TNNI3K: variants seen among roughly 807,000 people sequenced by gnomAD.
The protein encoded by TNNI3K is serine/threonine-protein kinase TNNI3K.
A neutral mutation model predicts 114.5 loss-of-function variants in TNNI3K; 140 were observed. The ratio of observed to expected loss-of-function variants is 1.22; its 90% CI spans 1.07 to 1.41. The LOEUF (loss-of-function observed/expected upper bound fraction) is 1.41. TNNI3K is among the 40% of genes most tolerant of loss of function. The pLI, the probability that TNNI3K is intolerant of heterozygous loss-of-function variation, is 0.00. For missense variants in TNNI3K, 1,125 were observed against 1,007.6 expected (o/e 1.12, Z -1.58); for synonymous variants, 347 against 347.5 (o/e 1.00, Z 0.02).
At chr1:74,537,151 G>A (rs1489914808) in intron 23 of TNNI3K, among the ~76,000 whole-genome samples, 1 of 152,164 alleles carries the variant, frequency 6.6e-6, no homozygotes, top group Non-Finnish European at 1.5e-5. Flanking sequence ...TTGGATATGA[G>A]CTTTTATTCA....
chr1:74,359,430 G>T (rs1053845925), intron 11 of TNNI3K, among the ~76,000 whole-genome samples: 20 of 151,806 alleles, frequency 1.3e-4, no homozygotes, highest in African/African-American at 4.8e-4. Context: ...AGGATAATAG[G>T]AATCCGCTAT....
chr1:74,251,267 C>T (rs1654909084), intron 4 of TNNI3K, among the ~76,000 whole-genome samples: 1 of 152,094 alleles, frequency 6.6e-6, no homozygotes, highest in African/African-American at 2.4e-5. Flanking sequence ...AATCTCAGCA[C>T]CTGATAGAAT....
intron 23 of TNNI3K, among the ~76,000 whole-genome samples, chr1:74,508,409 T>G (rs1297268856): frequency 6.6e-6 from 1 of 152,236 alleles, no homozygotes; most frequent in African/African-American, 2.4e-5. Context: ...GGTATTATGA[T>G]TTTTTCAATT....
chr1:74,526,129 A>G lies in TNNI3K; in HGVS notation c.2352-14105A>G, dbSNP rs45447302. On this transcript the variant is annotated intron_variant, in intron 23 of 24. Coordinates refer to ENST00000326637, the MANE Select transcript of TNNI3K (RefSeq NM_015978.3). ...TGGTTTGTGAAGATCAATGTTCTGC[A>G]TGTTCAAAGAGTTTAGGGAGTTTTA... 3.6e-3 allele frequency among the ~76,000 whole-genome samples: 543 copies of G among 152,336 alleles called. 2 individuals carry two copies. Among genetic ancestry groups the G allele is most frequent in the African/African-American group, 0.012 (513 of 41,584 alleles).
chr1:74,356,307 G>A (rs45489994), intron 11 of TNNI3K, among the ~76,000 whole-genome samples: 10,394 of 151,940 alleles, frequency 0.068, 425 homozygotes, highest in African/African-American at 0.11. Flanking sequence ...TTTCAATTTG[G>A]GGCTATTAAG....
At chr1:74,255,813 C>A (rs1405604946) in intron 4 of TNNI3K, among the ~76,000 whole-genome samples, 1 of 152,150 alleles carries the variant, frequency 6.6e-6, no homozygotes, top group Non-Finnish European at 1.5e-5. Flanking sequence ...TCTCTGGAAA[C>A]AAGTGTTTTC....
intron 17 of TNNI3K, among the ~76,000 whole-genome samples, chr1:74,396,665 T>A (rs1172226759): frequency 6.6e-6 from 1 of 152,148 alleles, no homozygotes; most frequent in Non-Finnish European, 1.5e-5. Flanking sequence ...CCGGATGGGA[T>A]AATAATGACC....
chr1:74,464,492 C>A, intron 21 of TNNI3K: 5 of 1,351,094 alleles, frequency 3.7e-6, no homozygotes, highest in Non-Finnish European at 3.8e-6. Flanking sequence ...TGTTTCTGAT[C>A]CTTCCTAGGC....
rs1164518284 is a variant in TNNI3K at position 74,342,717 on chromosome 1, T to G, written c.683-125T>G. On this transcript the variant is annotated intron_variant, in intron 7 of 24. Coordinates refer to ENST00000326637, the MANE Select transcript of TNNI3K (RefSeq NM_015978.3). ...GGTCGCCCTTAATTTCCTTTATGAT[T>G]ATCATTAACTGGCAATTTCCAGGAA... 13 of 1,260,662 alleles carry G rather than the reference T, an allele frequency of 1.0e-5. No individual in the cohort carries two copies. In the Admixed American group the frequency reaches 3.0e-4, roughly 29 times the overall value. The allele number at this position is 1,260,662 out of a possible 1,614,324, so 78.1% of individuals were successfully genotyped here.
At chr1:74,398,629 C>T (rs930090074) in intron 17 of TNNI3K, among the ~76,000 whole-genome samples, 3 of 152,118 alleles carry the variant, frequency 2.0e-5, no homozygotes, top group Non-Finnish European at 4.4e-5. Context: ...TTCCCCCTCC[C>T]AACTGCCACT....
chr1:74,409,666 G>A (rs914733191), intron 17 of TNNI3K, among the ~76,000 whole-genome samples: 1 of 151,494 alleles, frequency 6.6e-6, no homozygotes, highest in Non-Finnish European at 1.5e-5. Flanking sequence ...CTAATTTTTT[G>A]TATTTTTAGT....
At chr1:74,291,601 C>T (rs761365278) in intron 5 of TNNI3K, among the ~76,000 whole-genome samples, 1 of 151,442 alleles carries the variant, frequency 6.6e-6, no homozygotes. Context: ...ATATTCTATC[C>T]TAAGTTGACT....
At chr1:74,257,983 C>G (rs1412295883) in intron 4 of TNNI3K, among the ~76,000 whole-genome samples, 3 of 152,072 alleles carry the variant, frequency 2.0e-5, no homozygotes, top group African/African-American at 4.8e-5. Flanking sequence ...CGGCATACCT[C>G]TTATTCCTAG....
At chr1:74,447,325 T>A (rs1314142588) in intron 20 of TNNI3K, among the ~76,000 whole-genome samples, 1 of 150,186 alleles carries the variant, frequency 6.7e-6, no homozygotes, top group Non-Finnish European at 1.5e-5. Context: ...AGTTCACTCA[T>A]GATTTGGCTC....
At chr1:74,486,415 T>C (rs966363921) in intron 21 of TNNI3K, among the ~76,000 whole-genome samples, 4 of 152,030 alleles carry the variant, frequency 2.6e-5, no homozygotes, top group African/African-American at 9.7e-5. Context: ...TACTGAATGG[T>C]AGTATCAATA....
At chr1:74,407,361 A>C (rs1257763080) in intron 17 of TNNI3K, among the ~76,000 whole-genome samples, 1 of 152,202 alleles carries the variant, frequency 6.6e-6, no homozygotes, top group African/African-American at 2.4e-5. Flanking sequence ...CTGCCATATC[A>C]GATACAAGGA....
At chr1:74,503,835 G>T (rs1446983782) in intron 23 of TNNI3K, among the ~76,000 whole-genome samples, 1 of 152,126 alleles carries the variant, frequency 6.6e-6, no homozygotes, top group East Asian at 1.9e-4. Context: ...CTAATGTTGT[G>T]GTGGTATGGG....
chr1:74,342,299 C>T (rs888877946), intron 7 of TNNI3K, among the ~76,000 whole-genome samples: 20 of 152,136 alleles, frequency 1.3e-4, no homozygotes, highest in Non-Finnish European at 4.4e-5. Context: ...CTGCCTAAGT[C>T]TAAATTGCTT....
At chr1:74,522,734 A>G (rs1211365684) in intron 23 of TNNI3K, among the ~76,000 whole-genome samples, 2 of 152,150 alleles carry the variant, frequency 1.3e-5, no homozygotes, top group Non-Finnish European at 2.9e-5. Flanking sequence ...TGATTGGAAT[A>G]TTGATCATTT....
Sources: gnomAD v4.1 joint callset for allele counts (sites outside exome capture counted in the v4.1 genomes callset) on GRCh38, gnomAD v4.1.1 for gene constraint, MANE v1.5 for transcripts, NCBI Gene and HGNC (gene_info 2026-07-23, HGNC 2026-07-21) for gene names.